BACE2: variants seen among roughly 807,000 people sequenced by gnomAD.
BACE2 encodes the protein beta-secretase 2, also known as 56 kDa aspartic-like protease.
Under a neutral mutation model 46.2 loss-of-function variants are expected in BACE2, and 17 were observed. The observed-to-expected ratio is 0.37, with a 90% CI of 0.25 to 0.55. The LOEUF (loss-of-function observed/expected upper bound fraction) is 0.55, where lower values mean the gene tolerates loss of function less well. BACE2 is among the 20% of genes least tolerant of loss of function. The probability of loss-of-function intolerance (pLI) is 0.82; values close to 1 mark genes in which losing one functional copy is unlikely to be tolerated. For missense variants in BACE2, 595 were observed against 698.1 expected (o/e 0.85, Z 1.66); for synonymous variants, 277 against 295.9 (o/e 0.94, Z 0.66).
At chr21:41,185,117 A>T (rs1985324186) in intron 1 of BACE2, 1 of 167,086 alleles carries the variant, frequency 6.0e-6, no homozygotes, top group Non-Finnish European at 1.5e-5. Context: ...GGATCTCTCT[A>T]CAGAGGGTTT....
intron 7 of BACE2, among the ~76,000 whole-genome samples, chr21:41,252,197 G>A (rs2837994): frequency 0.11 from 16,912 of 152,058 alleles, 1,030 homozygotes; most frequent in African/African-American, 0.13. Context: ...TCCTGGCATC[G>A]CTGTCCATGG....
rs993630296 is a variant in BACE2 at position 41,193,586 on chromosome 21, C to T, written c.312+25011C>T. Among the ~76,000 whole-genome samples, 32 of 152,218 alleles carry T rather than the reference C, an allele frequency of 2.1e-4. No homozygotes were observed. The highest frequency in any genetic ancestry group is 5.2e-4 in the Admixed American group (8 of 15,290). ...GATTTACTATTTTTCTAGGTAGAGG[C>T]AGCTCTAATGGCTTCCATTTGGCCT... On this transcript the variant is annotated intron_variant, in intron 1 of 8. Coordinates refer to ENST00000330333, the MANE Select transcript of BACE2 (RefSeq NM_012105.5). This position sits in a 1 kb window ranked among gnomAD's most constrained non-coding sequence, Gnocchi z 4.2.
intron 1 of BACE2, among the ~76,000 whole-genome samples, chr21:41,187,983 G>A (rs959007453): frequency 2.0e-5 from 3 of 152,124 alleles, no homozygotes; most frequent in African/African-American, 4.8e-5. Context: ...TCTGTATAAC[G>A]TCAGTTCTTA....
intron 8 of BACE2, among the ~76,000 whole-genome samples, chr21:41,261,955 A>G (rs1987947814): frequency 6.6e-6 from 1 of 152,170 alleles, no homozygotes; most frequent in South Asian, 2.1e-4. Flanking sequence ...AGCCATTTGC[A>G]AATAAGTTGC....
intron 6 of BACE2, among the ~76,000 whole-genome samples, chr21:41,247,874 A>AAG (rs1987519106): frequency 6.6e-6 from 1 of 152,238 alleles, no homozygotes; most frequent in Non-Finnish European, 1.5e-5. Flanking sequence ...TGTCTGGCTT[A>AAG]CCGTCTCTGG....
intron 1 of BACE2, chr21:41,185,117 A>G (rs1985324186): frequency 6.0e-6 from 1 of 167,086 alleles, no homozygotes; most frequent in South Asian, 2.1e-4. Flanking sequence ...GGATCTCTCT[A>G]CAGAGGGTTT....
At chr21:41,233,145 G>C (rs1292399386) in intron 2 of BACE2, among the ~76,000 whole-genome samples, 1 of 152,110 alleles carries the variant, frequency 6.6e-6, no homozygotes, top group East Asian at 1.9e-4. Flanking sequence ...GGGATTACCA[G>C]ACTTGAATTT....
intron 3 of BACE2, among the ~76,000 whole-genome samples, chr21:41,241,211 G>A (rs76888967): frequency 0.013 from 1,949 of 152,254 alleles, 37 homozygotes; most frequent in African/African-American, 0.043. Flanking sequence ...GAGCACACGA[G>A]GGCTTCTGAA....
rs1334656942 is a variant in BACE2 at position 41,257,241 on chromosome 21, G to T, written c.1218G>T (p.Val406=). The T allele has an allele frequency of 1.2e-6, 2 of 1,614,198 alleles. No homozygotes were observed. Among genetic ancestry groups the T allele is most frequent in the Admixed American group, 1.7e-5 (1 of 60,026 alleles). ...TTTCCCCATCCACAAATGCGCTGGT[G>T]ATCGGTGCCACGGTGATGGAGGGCT... The part of the protein sequence containing the change: ...FGISPSTNAL[V]IGATVMEGFY... The change falls in exon 8 of 9, where the codon GTG becomes GTT. Residue 406 remains valine (V), a synonymous_variant. Coordinates refer to ENST00000330333, the MANE Select transcript of BACE2 (RefSeq NM_012105.5).
intron 1 of BACE2, among the ~76,000 whole-genome samples, chr21:41,185,609 C>A (rs1017773141): frequency 6.6e-6 from 1 of 152,158 alleles, no homozygotes; most frequent in Non-Finnish European, 1.5e-5. Context: ...ATTCGCCTAG[C>A]GAAAGGGGTA....
intron 6 of BACE2, among the ~76,000 whole-genome samples, chr21:41,249,518 C>T (rs1365284272): frequency 1.3e-5 from 2 of 152,186 alleles, no homozygotes; most frequent in African/African-American, 2.4e-5. Flanking sequence ...TGGCACCCCT[C>T]GTTCCCTCCC....
intron 1 of BACE2, among the ~76,000 whole-genome samples, chr21:41,208,708 G>T (rs1166883199): frequency 6.6e-6 from 1 of 152,100 alleles, no homozygotes; most frequent in South Asian, 2.1e-4. Context: ...GAGGATGGGG[G>T]TGTTTGTTTT....
At position 41,237,725 on chromosome 21, in the gene BACE2, C is replaced by CCTTG; in HGVS notation, c.615_616insTTGC (p.Lys206LeufsTer44). The stretch of plus-strand genomic sequence containing the variant: ...CTTGGCCTAGCTTATGCCACACTTG[C>CCTTG]CAAGGTAAGGCTAATCCATGGATTT... On this transcript the variant is annotated frameshift_variant, in exon 3 of 9. Coordinates refer to ENST00000330333, the MANE Select transcript of BACE2 (RefSeq NM_012105.5). LOFTEE classifies it high-confidence loss of function. 1 of 1,612,430 alleles carries CCTTG rather than the reference C, an allele frequency of 6.2e-7. No homozygotes were observed. The highest frequency in any genetic ancestry group is 8.5e-7 in the Non-Finnish European group (1 of 1,178,544).
At chr21:41,171,358 T>C (rs777624211) in intron 1 of BACE2, among the ~76,000 whole-genome samples, 3 of 152,304 alleles carry the variant, frequency 2.0e-5, no homozygotes, top group African/African-American at 4.8e-5. Flanking sequence ...GAAAGTCAAC[T>C]GTTGGAAGTG....
At chr21:41,223,997 G>A (rs892266934) in intron 1 of BACE2, among the ~76,000 whole-genome samples, 2 of 152,122 alleles carry the variant, frequency 1.3e-5, no homozygotes, top group Non-Finnish European at 2.9e-5. Flanking sequence ...TGAGACTAAA[G>A]TGAGGAGTCA....
In BACE2 at chr21:41,273,966, GTGA is replaced by G. The variant is rs1454588691; in HGVS notation, c.1304-1400_1304-1398del. Among the ~76,000 whole-genome samples, 15 of 152,352 alleles carry G rather than the reference GTGA, an allele frequency of 9.8e-5. No homozygotes were observed. The South Asian group carries it at 2.3e-3, about 23-fold the overall frequency. On this transcript the variant is annotated intron_variant, in intron 8 of 8. Coordinates refer to ENST00000330333, the MANE Select transcript of BACE2 (RefSeq NM_012105.5). ...CCGCAACAGAAACCTAATCTCCAAG[GTGA>G]TGATATTTGGAGTTGGGGCCTTTGG...
intron 1 of BACE2, among the ~76,000 whole-genome samples, chr21:41,222,236 G>A (rs1986678230): frequency 6.6e-6 from 1 of 152,244 alleles, no homozygotes; most frequent in South Asian, 2.1e-4. Context: ...CCAGCCCACT[G>A]CAGGCGGTGT....
intron 3 of BACE2, among the ~76,000 whole-genome samples, chr21:41,241,163 C>T (rs1987275601): frequency 6.6e-6 from 1 of 152,176 alleles, no homozygotes; most frequent in Non-Finnish European, 1.5e-5. Context: ...GAAATGAGGG[C>T]ATCCTCTGTA....
chr21:41,187,070 C>T (rs73222244), intron 1 of BACE2, among the ~76,000 whole-genome samples: 2,553 of 152,320 alleles, frequency 0.017, 51 homozygotes, highest in East Asian at 0.099. Flanking sequence ...AATCAAGTCC[C>T]GCCTCCTGCC....
Sources: gnomAD v4.1 joint callset for allele counts (sites outside exome capture counted in the v4.1 genomes callset) on GRCh38, gnomAD v4.1.1 for gene constraint, Gnocchi (gnomAD v3.1) non-coding constraint, MANE v1.5 for transcripts, NCBI Gene and HGNC (gene_info 2026-07-23, HGNC 2026-07-21) for gene names.